Variants in RNF32 observed in about 807,000 individuals in gnomAD.
RNF32 encodes ring finger protein 32.
In RNF32, 36 loss-of-function variants were observed where a neutral mutation model predicts 41.0. The observed-to-expected ratio is 0.88, with a 90% CI of 0.67 to 1.16. The LOEUF (loss-of-function observed/expected upper bound fraction) is 1.16. RNF32 is among the 50% of genes most tolerant of loss of function. The probability of loss-of-function intolerance (pLI) is 0.00; values close to 1 mark genes in which losing one functional copy is unlikely to be tolerated. For missense variants in RNF32, 413 were observed against 436.7 expected (o/e 0.95, Z 0.48); for synonymous variants, 154 against 160.9 (o/e 0.96, Z 0.32).
At position 156,640,777 on chromosome 7, in the gene RNF32, C is replaced by G. The variant is rs188181993; in HGVS notation, c.-112C>G. Reference sequence around the variant, plus strand: ...AGTTGCCTGAGGGAAAAGGGGCAGACGTCCCTGGGTTCCGGTGTTCGCGGA... The same window carrying G: ...AGTTGCCTGAGGGAAAAGGGGCAGAGGTCCCTGGGTTCCGGTGTTCGCGGA... On this transcript the variant is annotated 5_prime_UTR_variant, in exon 1 of 9. Transcript: ENST00000317955. The G allele has an allele frequency of 7.8e-6, 2 of 256,302 alleles. No homozygotes were observed. Among genetic ancestry groups the G allele is most frequent in the African/African-American group, 4.8e-5 (2 of 41,920 alleles). 15.9% of individuals were successfully genotyped at this position (256,302 alleles called of 1,614,324 possible).
chr7:156,657,320 C>T (rs368791175), intron 4 of RNF32: 44 of 564,166 alleles, frequency 7.8e-5, no homozygotes, highest in African/African-American at 6.9e-4. Context: ...TATCAAACTT[C>T]ATGTGTTTAT....
chr7:156,643,683 C>G (rs1797653778), intron 1 of RNF32, 118 bp from the exon 2 acceptor site: 1 of 614,864 alleles, frequency 1.6e-6, no homozygotes, highest in Non-Finnish European at 2.9e-6. Flanking sequence ...TAGTGCCACC[C>G]TGTAGCAGGC....
In RNF32 at chr7:156,649,428, G is replaced by A. The variant is rs148498952; in HGVS notation, c.274+4671G>A. On this transcript the variant is annotated intron_variant, in intron 3 of 8. Coordinates refer to ENST00000317955, the MANE Select transcript of RNF32 (RefSeq NM_030936.4). Reference sequence around the variant, plus strand: ...CCCTGCTTTTTTTTTAATCTGGCCAGGATCTCCTGAGCTGTGGTGAATACG... The same window carrying A: ...CCCTGCTTTTTTTTTAATCTGGCCAAGATCTCCTGAGCTGTGGTGAATACG... 4.7e-3 allele frequency among the ~76,000 whole-genome samples: 718 copies of A among 151,826 alleles called. 7 individuals are homozygous for A. The highest frequency in any genetic ancestry group is 8.3e-3 in the South Asian group (40 of 4,792).
chr7:156,650,211 G>A (rs1798535825), intron 3 of RNF32, among the ~76,000 whole-genome samples: 1 of 152,232 alleles, frequency 6.6e-6, no homozygotes, highest in Non-Finnish European at 1.5e-5. Context: ...GCCGTCGGGA[G>A]GTGCTGCCCC....
At chr7:156,654,520 TG>T in intron 3 of RNF32, 55 bp from the exon 4 acceptor site, 1 of 1,506,678 alleles carries the variant, frequency 6.6e-7, no homozygotes, top group Non-Finnish European at 9.1e-7. Flanking sequence ...AAGTTATAGG[TG>T]GGTGCCATAT....
chr7:156,644,490 A>AC lies in RNF32; in HGVS notation c.16-8dup, dbSNP rs1330984993. The AC allele has an allele frequency of 2.5e-6, 4 of 1,601,374 alleles. No individual in the cohort carries two copies. Among genetic ancestry groups the AC allele is most frequent in the Non-Finnish European group, 3.4e-6 (4 of 1,173,606 alleles). On this transcript the variant is annotated splice_polypyrimidine_tract_variant and intron_variant, in intron 2 of 8. Coordinates refer to ENST00000317955, the MANE Select transcript of RNF32 (RefSeq NM_030936.4). The stretch of plus-strand genomic sequence containing the variant: ...CTCCTCTAAATATGACTTTTTTCCT[A>AC]CTTTTTAGGGTCACTCATCTAAGAA...
chr7:156,654,771 C>T (rs749163051), intron 4 of RNF32, 53 bp downstream of exon 4: 26 of 1,547,236 alleles, frequency 1.7e-5, no homozygotes, highest in East Asian at 6.8e-5. Context: ...TTCCTAGGGA[C>T]GAGGCCCAGA....
intron 1 of RNF32, among the ~76,000 whole-genome samples, chr7:156,643,436 C>T (rs568312703): frequency 6.6e-6 from 1 of 152,314 alleles, no homozygotes; most frequent in East Asian, 1.9e-4. Flanking sequence ...CTTCATTTCC[C>T]TCTGTGTATC....
Position 156,654,497 on chromosome 7 carries a change from A to T in RNF32, c.275-79A>T. Reference sequence around the variant, plus strand: ...TGTAGTTCTTTAATCTTTGTTTGCAAATGGTGTCATTAAAGTTATAGGTGG... The same window carrying T: ...TGTAGTTCTTTAATCTTTGTTTGCATATGGTGTCATTAAAGTTATAGGTGG... On this transcript the variant is annotated intron_variant, in intron 3 of 8. Transcript: ENST00000317955. The T allele has an allele frequency of 3.2e-6, 4 of 1,246,360 alleles. No homozygotes were observed. In the South Asian group the frequency reaches 4.5e-5, roughly 14 times the overall value. The allele number at this position is 1,246,360 out of a possible 1,614,324, so 77.2% of individuals were successfully genotyped here. A position where few individuals can be genotyped will look rare whatever the true frequency, so the allele number is the denominator to read the frequency against.
At position 156,659,540 on chromosome 7, in the gene RNF32, A is replaced by C. The variant is rs544973804; in HGVS notation, c.684+970A>C. 1.1e-4 allele frequency: 112 copies of C among 984,714 alleles called. 1 individual carries two copies. In the South Asian group the frequency reaches 3.1e-3, roughly 28 times the overall value. The allele number at this position is 984,714 out of a possible 1,614,324, so 61.0% of individuals were successfully genotyped here. A position where few individuals can be genotyped will look rare whatever the true frequency, so the allele number is the denominator to read the frequency against. On this transcript the variant is annotated intron_variant, in intron 7 of 8. Coordinates refer to ENST00000317955, the MANE Select transcript of RNF32 (RefSeq NM_030936.4). ...TTAGTAATTTCTAATATGTCATAGT[A>C]GGTTGTCTCTTAAATCAGAAGTGAT... is the stretch of plus-strand genomic sequence containing the variant.
At chr7:156,643,055 G>A (rs1797567706) in intron 1 of RNF32, 1 of 152,154 alleles carries the variant, frequency 6.6e-6, no homozygotes, top group South Asian at 2.1e-4. Context: ...TATTCCACCA[G>A]CTTTGAAGGG....
intron 3 of RNF32, among the ~76,000 whole-genome samples, chr7:156,645,570 TG>T (rs1239903835): frequency 6.6e-6 from 1 of 152,190 alleles, no homozygotes; most frequent in African/African-American, 2.4e-5. Flanking sequence ...TCTGTGATCC[TG>T]GATCAGATCC....
intron 7 of RNF32, chr7:156,659,313 C>A (rs369439829): frequency 1.0e-6 from 1 of 993,108 alleles, no homozygotes; most frequent in Non-Finnish European, 1.2e-6. Context: ...ACTATTAACT[C>A]CTTTCCTAGA....
rs1798356113 is a variant in RNF32 at position 156,649,055 on chromosome 7, T to C, written c.274+4298T>C. Among the ~76,000 whole-genome samples, 3 of 152,240 alleles carry C rather than the reference T, an allele frequency of 2.0e-5. No individual in the cohort carries two copies. In the South Asian group the frequency reaches 6.2e-4, roughly 31 times the overall value. On this transcript the variant is annotated intron_variant, in intron 3 of 8. Transcript: ENST00000317955. ...TCGACGAGATTAAAGCGTGTTTTGT[T>C]CTCTCCTTCCAAGGCTTCTGCTTCT...
intron 7 of RNF32, chr7:156,660,177 C>T (rs975599113): frequency 1.2e-5 from 12 of 985,518 alleles, no homozygotes; most frequent in Middle Eastern, 5.2e-4. Flanking sequence ...TGCCCGCCCC[C>T]GCATGTCCTG....
chr7:156,658,080 T>C (rs1174589219), intron 5 of RNF32, 48 bp from the exon 6 acceptor site: 1 of 1,575,354 alleles, frequency 6.3e-7, no homozygotes, highest in Admixed American at 1.7e-5. Context: ...AAAAACGTTG[T>C]TTATAAGTAA....
chr7:156,640,395 G>A (rs774161337), upstream of RNF32: 1 of 428,546 alleles, frequency 2.3e-6, no homozygotes, highest in South Asian at 1.7e-5. Context: ...GCGGACTACA[G>A]CGAAGCCGGC....
intron 8 of RNF32, 72 bp from the exon 9 acceptor site, chr7:156,676,347 A>G (rs2131780468): frequency 2.5e-6 from 4 of 1,613,518 alleles, no homozygotes; most frequent in South Asian, 1.1e-5. Context: ...CATGGTTCGC[A>G]TTTCAGTTTA....
chr7:156,653,625 G>A (rs939204989), intron 3 of RNF32, among the ~76,000 whole-genome samples: 4 of 152,164 alleles, frequency 2.6e-5, no homozygotes, highest in Admixed American at 6.5e-5. Context: ...GCATTGACCC[G>A]TCTTTGGGGT....
Sources: gnomAD v4.1 joint callset for allele counts (sites outside exome capture counted in the v4.1 genomes callset) on GRCh38, gnomAD v4.1.1 for gene constraint, MANE v1.5 for transcripts, NCBI Gene and HGNC (gene_info 2026-07-23, HGNC 2026-07-21) for gene names.